Variants in TNN observed in about 807,000 individuals in gnomAD.
TNN encodes the protein tenascin-N.
Under a neutral mutation model 134.4 loss-of-function variants are expected in TNN, and 122 were observed. The ratio of observed to expected loss-of-function variants is 0.91; its 90% confidence interval spans 0.78 to 1.06. The LOEUF (loss-of-function observed/expected upper bound fraction) is 1.06, where lower values mean the gene tolerates loss of function less well. Ranked by LOEUF, TNN falls within the 50% of genes least tolerant of loss-of-function variation. TNN has a pLI of 0.00. For synonymous variants in TNN, 710 were observed against 670.3 expected, an observed-to-expected ratio of 1.06 and a Z score of -0.91; for missense variants, 1,739 against 1,699.4, an observed-to-expected ratio of 1.02 and a Z score of -0.41.
intron 9 of TNN, among the ~76,000 whole-genome samples, chr1:175,113,144 A>G (rs1413145232): frequency 6.6e-6 from 1 of 152,094 alleles, no homozygotes; most frequent in East Asian, 1.9e-4. Flanking sequence ...CTGCTCTGCC[A>G]GTGAGTTTAT....
chr1:175,078,291 G>A (rs1193996021), intron 2 of TNN, among the ~76,000 whole-genome samples: 1 of 152,158 alleles, frequency 6.6e-6, no homozygotes, highest in Non-Finnish European at 1.5e-5. Context: ...AGCTAGTATA[G>A]TTCTGAGAAC....
intron 15 of TNN, 84 bp downstream of exon 15, chr1:175,128,830 G>C: frequency 3.7e-6 from 5 of 1,366,986 alleles, no homozygotes; most frequent in South Asian, 1.7e-5. Flanking sequence ...TCCATAGAGT[G>C]TTTGGAGCCC....
At chr1:175,129,556 T>C (rs1168289946) in intron 15 of TNN, among the ~76,000 whole-genome samples, 2 of 151,434 alleles carry the variant, frequency 1.3e-5, no homozygotes, top group Non-Finnish European at 2.9e-5. Context: ...CTTATATGTA[T>C]GTATTACCTA....
At position 175,077,385 on chromosome 1, in the gene TNN, C is replaced by T. The variant is rs1197256184; in HGVS notation, c.-34C>T. ...CTTTTGCAATGTTTCTGAATACAGG[C>T]ATCCTGGAGGGTCTGCTCCCTGTCT... is the stretch of plus-strand genomic sequence containing the variant. On this transcript the variant is annotated splice_region_variant and 5_prime_UTR_variant, in exon 2 of 19. Coordinates refer to ENST00000239462, the MANE Select transcript of TNN (RefSeq NM_022093.2). 2.5e-6 allele frequency: 4 copies of T among 1,575,338 alleles called. No individual in the cohort carries two copies. The highest frequency in any genetic ancestry group is 2.3e-5 in the East Asian group (1 of 44,442).
chr1:175,086,758 A>G (rs1674332138), intron 6 of TNN, among the ~76,000 whole-genome samples: 1 of 152,220 alleles, frequency 6.6e-6, no homozygotes, highest in African/African-American at 2.4e-5. Flanking sequence ...TAATTTACAA[A>G]CTAGACAAGG....
At chr1:175,102,965 G>T (rs1674765317) in intron 9 of TNN, among the ~76,000 whole-genome samples, 1 of 146,460 alleles carries the variant, frequency 6.8e-6, no homozygotes, top group Non-Finnish European at 1.5e-5. Context: ...GGGCCCTGCA[G>T]TTGCGGTGTC....
At chr1:175,139,341 C>T (rs1017251789) in intron 17 of TNN, among the ~76,000 whole-genome samples, 2 of 152,056 alleles carry the variant, frequency 1.3e-5, no homozygotes, top group Middle Eastern at 3.4e-3. Flanking sequence ...TTCTTTATAT[C>T]CATATTCTGT....
chr1:175,123,766 C>G, intron 12 of TNN, 103 bp downstream of exon 12: 1 of 1,533,560 alleles, frequency 6.5e-7, no homozygotes, highest in Non-Finnish European at 8.8e-7. Flanking sequence ...GTTGCTTTAC[C>G]CGAGGACATT....
intron 9 of TNN, among the ~76,000 whole-genome samples, chr1:175,106,281 T>C (rs1674849964): frequency 6.9e-6 from 1 of 145,828 alleles, no homozygotes; most frequent in Non-Finnish European, 1.5e-5. Context: ...GGAGGGGATC[T>C]TCAGGGTTGG....
chr1:175,127,269 C>G (rs1037241180), intron 13 of TNN, among the ~76,000 whole-genome samples, 184 bp downstream of exon 13: 3 of 152,200 alleles, frequency 2.0e-5, no homozygotes, highest in African/African-American at 7.2e-5. Flanking sequence ...AATGTAAGCT[C>G]TATGTTTGTC....
intron 9 of TNN, among the ~76,000 whole-genome samples, chr1:175,113,874 C>A (rs995354243): frequency 2.6e-5 from 4 of 151,962 alleles, no homozygotes; most frequent in Non-Finnish European, 5.9e-5. Flanking sequence ...TTTTTAAATT[C>A]CATTCATTGA....
chr1:175,145,865 T>C (rs1227557088), intron 18 of TNN, among the ~76,000 whole-genome samples: 2 of 152,036 alleles, frequency 1.3e-5, no homozygotes, highest in Admixed American at 6.5e-5. Flanking sequence ...TTCTTGAAAA[T>C]TGCATCTTTG....
intron 6 of TNN, among the ~76,000 whole-genome samples, chr1:175,087,082 T>C (rs1448407095): frequency 6.6e-6 from 1 of 152,210 alleles, no homozygotes; most frequent in Non-Finnish European, 1.5e-5. Context: ...GTCTAAACCT[T>C]TGGGCTTAGC....
At chr1:175,142,177 T>C (rs899075140) in intron 17 of TNN, among the ~76,000 whole-genome samples, 2 of 152,202 alleles carry the variant, frequency 1.3e-5, no homozygotes, top group Admixed American at 6.5e-5. Context: ...TTTCTTGGAT[T>C]GGAGAAAACT....
At chr1:175,118,971 CAAAAACAAAAAACAAACAA>C in intron 11 of TNN, 147 bp downstream of exon 11, 1 of 1,177,494 alleles carries the variant, frequency 8.5e-7, no homozygotes, top group South Asian at 1.7e-5. Flanking sequence ...CAAAACAAAA[CAAAAACAAAAAACAAACAA>C]AGAAACAAAA....
At chr1:175,139,997 A>ACATT (rs1298756564) in intron 17 of TNN, among the ~76,000 whole-genome samples, 1 of 152,276 alleles carries the variant, frequency 6.6e-6, no homozygotes, top group African/African-American at 2.4e-5. Context: ...ACATAGATGG[A>ACATT]CATTCATATG....
chr1:175,137,244 C>T (rs1675834773), intron 17 of TNN, among the ~76,000 whole-genome samples: 1 of 152,074 alleles, frequency 6.6e-6, no homozygotes, highest in Non-Finnish European at 1.5e-5. Context: ...TCCCCTTGTA[C>T]TCCTCTTATT....
intron 16 of TNN, 149 bp from the exon 17 acceptor site, chr1:175,136,672 A>G (rs557852596): frequency 1.4e-6 from 1 of 706,570 alleles, no homozygotes; most frequent in Non-Finnish European, 2.3e-6. Flanking sequence ...ATGAGCCCCC[A>G]AAAGAGAAAG....
In TNN at chr1:175,106,909, C is replaced by T. The variant is rs1031514690; in HGVS notation, c.2119+8314C>T. ...AAGCTTGACACCCGTGTCTTTAGTC[C>T]GGCGGCCCGCTAGTCACTTTTAAAT... On this transcript the variant is annotated intron_variant, in intron 9 of 18. Coordinates refer to ENST00000239462, the MANE Select transcript of TNN (RefSeq NM_022093.2). 6.2e-5 allele frequency among the ~76,000 whole-genome samples: 9 copies of T among 145,794 alleles called. 2 individuals carry two copies. Among genetic ancestry groups the T allele is most frequent in the African/African-American group, 2.0e-4 (8 of 40,554 alleles).
Sources: allele counts gnomAD v4.1 joint callset (sites outside exome capture counted in the v4.1 genomes callset), GRCh38; gene constraint gnomAD v4.1.1; transcripts MANE v1.5; gene names NCBI Gene and HGNC (gene_info 2026-07-23, HGNC 2026-07-21).